The following ALCAM variants were observed in gnomAD, a reference collection of about 807,000 sequenced individuals.
ALCAM encodes the protein CD166 antigen.
Under a neutral mutation model 70.9 loss-of-function variants are expected in ALCAM, and 30 were observed. The observed-to-expected ratio is 0.42, with a 90% confidence interval of 0.32 to 0.57. The LOEUF (loss-of-function observed/expected upper bound fraction) is 0.57, where lower values mean the gene tolerates loss of function less well. Ranked by LOEUF, ALCAM falls within the 20% of genes least tolerant of loss-of-function variation. The pLI is 0.11. For synonymous variants in ALCAM, 249 were observed against 242.5 expected (o/e 1.03, Z -0.25); for missense variants, 591 against 695.1 (o/e 0.85, Z 1.68).
chr3:105,483,039 T>C (rs1034511083), intron 1 of ALCAM, among the ~76,000 whole-genome samples: 1 of 152,146 alleles, frequency 6.6e-6, no homozygotes, highest in Non-Finnish European at 1.5e-5. Context: ...ACCAACTAGA[T>C]TATAAATGAG....
chr3:105,476,955 A>G (rs1938133279), intron 1 of ALCAM, among the ~76,000 whole-genome samples: 1 of 152,026 alleles, frequency 6.6e-6, no homozygotes, highest in African/African-American at 2.4e-5. Flanking sequence ...CGTGATAGTT[A>G]ATAAGTCTCA....
chr3:105,427,830 C>A (rs1014462415), intron 1 of ALCAM, among the ~76,000 whole-genome samples: 4 of 151,832 alleles, frequency 2.6e-5, no homozygotes, highest in Admixed American at 6.6e-5. Flanking sequence ...GAAAACCTAA[C>A]CACTATATGC....
intron 1 of ALCAM, among the ~76,000 whole-genome samples, chr3:105,390,565 T>C (rs1935791436): frequency 6.6e-6 from 1 of 152,104 alleles, no homozygotes; most frequent in Non-Finnish European, 1.5e-5. Context: ...TTCACTCTGA[T>C]AATAGTTTCT....
intron 1 of ALCAM, among the ~76,000 whole-genome samples, chr3:105,372,048 G>C (rs1253120462): frequency 6.6e-6 from 1 of 151,982 alleles, no homozygotes; most frequent in African/African-American, 2.4e-5. Context: ...ACATTTATTT[G>C]GTTATTACTT....
chr3:105,524,563 C>T, intron 3 of ALCAM, 55 bp downstream of exon 3: 3 of 1,603,800 alleles, frequency 1.9e-6, no homozygotes, highest in South Asian at 2.2e-5. Flanking sequence ...CAGTACCAGA[C>T]CATGTTCTTT....
In ALCAM at chr3:105,534,865, A is replaced by C; in HGVS notation, c.730+20A>C. On this transcript the variant is annotated intron_variant, in intron 6 of 15. Transcript: ENST00000306107. ...TTTACTGTAAGTAATTCAATATATAATTATGCTATTTAATGTATTAGAAAT... is the reference window on the plus strand; with the variant it reads ...TTTACTGTAAGTAATTCAATATATACTTATGCTATTTAATGTATTAGAAAT... The C allele has an allele frequency of 6.3e-7, 1 of 1,575,340 alleles. No homozygotes were observed.
At position 105,407,102 on chromosome 3, in the gene ALCAM, A is replaced by C. The variant is rs572187031; in HGVS notation, c.73+39621A>C. On this transcript the variant is annotated intron_variant, in intron 1 of 15. Coordinates refer to ENST00000306107, the MANE Select transcript of ALCAM (RefSeq NM_001627.4). ...CAAAAAAAAGTCCAGGACCAGATGG[A>C]TTCACAGCTGAATTCTATTAGACAT... 3.9e-5 allele frequency among the ~76,000 whole-genome samples: 6 copies of C among 152,278 alleles called. No homozygotes were observed. The East Asian group carries it at 1.2e-3, about 29-fold the overall frequency.
intron 1 of ALCAM, among the ~76,000 whole-genome samples, chr3:105,368,223 A>AGAGAGAGAGAG (rs376082543): frequency 1.5e-5 from 1 of 67,790 alleles, no homozygotes; most frequent in East Asian, 7.4e-4. Flanking sequence ...TGAGTCTTGG[A>AGAGAGAGAGAG]AGAGAGAGAG....
intron 14 of ALCAM, among the ~76,000 whole-genome samples, chr3:105,568,095 C>G (rs1457784963): frequency 7.5e-6 from 1 of 133,984 alleles, no homozygotes; most frequent in Non-Finnish European, 1.6e-5. Flanking sequence ...GAGTCTTGCT[C>G]TGTCACCTAG....
intron 1 of ALCAM, among the ~76,000 whole-genome samples, chr3:105,493,523 C>A (rs572360291): frequency 6.6e-6 from 1 of 152,102 alleles, no homozygotes; most frequent in South Asian, 2.1e-4. Flanking sequence ...AACCTAATTA[C>A]ATGAGGCCTT....
intron 1 of ALCAM, among the ~76,000 whole-genome samples, chr3:105,408,803 TGACAAAG>T (rs1274708486): frequency 6.6e-6 from 1 of 152,070 alleles, no homozygotes; most frequent in Admixed American, 6.6e-5. Context: ...TCTGTACATC[TGACAAAG>T]GACTAATATC....
chr3:105,417,777 T>C (rs1378230702), intron 1 of ALCAM, among the ~76,000 whole-genome samples: 1 of 151,902 alleles, frequency 6.6e-6, no homozygotes, highest in Non-Finnish European at 1.5e-5. Context: ...AGTATTAACA[T>C]TGAATAGTGT....
intron 1 of ALCAM, among the ~76,000 whole-genome samples, chr3:105,396,301 A>T (rs1935948907): frequency 6.6e-6 from 1 of 151,996 alleles, no homozygotes; most frequent in African/African-American, 2.4e-5. Flanking sequence ...GGAGAGAAAT[A>T]GGAGGTTTAG....
chr3:105,533,110 TA>T (rs1939879900), intron 4 of ALCAM, among the ~76,000 whole-genome samples: 1 of 152,172 alleles, frequency 6.6e-6, no homozygotes, highest in Admixed American at 6.5e-5. Flanking sequence ...TACCAAATAT[TA>T]AAGTTAAAAT....
At chr3:105,564,075 G>C (rs1454729715) in intron 14 of ALCAM, among the ~76,000 whole-genome samples, 1 of 151,458 alleles carries the variant, frequency 6.6e-6, no homozygotes, top group East Asian at 1.9e-4. Flanking sequence ...TTTTGGCCTA[G>C]CATGCAGTTT....
At chr3:105,562,584 G>A (rs1940649280) in intron 14 of ALCAM, among the ~76,000 whole-genome samples, 1 of 151,968 alleles carries the variant, frequency 6.6e-6, no homozygotes, top group African/African-American at 2.4e-5. Context: ...AGGAATATTG[G>A]TCTGTAATTT....
intron 1 of ALCAM, among the ~76,000 whole-genome samples, chr3:105,472,026 A>G (rs7429428): frequency 0.4 from 60,345 of 151,136 alleles, 12,678 homozygotes; most frequent in Admixed American, 0.53. Context: ...TAGATTCTAC[A>G]TATCAGTGAC....
At chr3:105,433,060 A>T (rs940505278) in intron 1 of ALCAM, among the ~76,000 whole-genome samples, 7 of 152,108 alleles carry the variant, frequency 4.6e-5, no homozygotes, top group Non-Finnish European at 7.4e-5. Context: ...CAAACATTAA[A>T]CTTTAGCATA....
At chr3:105,484,277 T>G (rs1938359240) in intron 1 of ALCAM, among the ~76,000 whole-genome samples, 2 of 149,918 alleles carry the variant, frequency 1.3e-5, no homozygotes, top group African/African-American at 4.9e-5. Flanking sequence ...TTACATATAC[T>G]TTTTATATAT....
Sources: gnomAD v4.1 joint callset for allele counts (sites outside exome capture counted in the v4.1 genomes callset) on GRCh38, gnomAD v4.1.1 for gene constraint, MANE v1.5 for transcripts, NCBI Gene and HGNC (gene_info 2026-07-23, HGNC 2026-07-21) for gene names.